The following STPG2 variants were observed in gnomAD, a reference collection of about 807,000 sequenced individuals.
The protein encoded by STPG2 is sperm tail PG-rich repeat containing 2.
STPG2 carries 56 observed loss-of-function variants against 54.2 expected under a neutral mutation model. The observed-to-expected ratio is 1.03, with a 90% CI of 0.83 to 1.29. The LOEUF (loss-of-function observed/expected upper bound fraction) is 1.29, where lower values mean the gene tolerates loss of function less well. Ranked by LOEUF, STPG2 falls within the 50% of genes most tolerant of loss-of-function variation. The pLI, the probability that STPG2 is intolerant of heterozygous loss-of-function variation, is 0.00. For missense variants in STPG2, 596 were observed against 544.9 expected, an observed-to-expected ratio of 1.09 and a Z score of -0.93; for synonymous variants, 200 against 181.8, an observed-to-expected ratio of 1.10 and a Z score of -0.81.
intron 5 of STPG2, among the ~76,000 whole-genome samples, chr4:97,992,718 C>T (rs1735060050): frequency 6.6e-6 from 1 of 152,130 alleles, no homozygotes; most frequent in Non-Finnish European, 1.5e-5. Flanking sequence ...ATTGATTCTA[C>T]CCATCCAAGA....
rs115406874 is a variant in STPG2 at position 97,730,395 on chromosome 4, A to G, written c.1205-17581T>C. Among the ~76,000 whole-genome samples, 562 of 152,314 alleles carry G rather than the reference A, an allele frequency of 3.7e-3. 4 individuals are homozygous for G. The highest frequency in any genetic ancestry group is 0.013 in the African/African-American group (536 of 41,576). ...ATATGTACGACATTTTCTTTATCCA[A>G]TACACCACTGATGGATGCCTAGATT... is the stretch of plus-strand genomic sequence containing the variant. On this transcript the variant is annotated intron_variant, in intron 9 of 10. Transcript: ENST00000295268.
intron 5 of STPG2, among the ~76,000 whole-genome samples, chr4:98,052,161 G>C (rs1195332301): frequency 6.6e-6 from 1 of 151,788 alleles, no homozygotes; most frequent in Non-Finnish European, 1.5e-5. Context: ...TTCTCAAGTG[G>C]GGAAAAAGGA....
At chr4:97,789,109 T>C (rs750150988) in intron 9 of STPG2, among the ~76,000 whole-genome samples, 7 of 152,142 alleles carry the variant, frequency 4.6e-5, no homozygotes, top group Non-Finnish European at 1.0e-4. Context: ...GTTCCAAGCT[T>C]GATATTACTA....
At chr4:97,926,624 T>C (rs1383523592) in intron 8 of STPG2, among the ~76,000 whole-genome samples, 1 of 152,172 alleles carries the variant, frequency 6.6e-6, no homozygotes, top group Non-Finnish European at 1.5e-5. Context: ...CCTTTGCATT[T>C]CTGACATAGA....
intron 5 of STPG2, among the ~76,000 whole-genome samples, chr4:98,052,095 A>G (rs1317432698): frequency 6.6e-6 from 1 of 152,014 alleles, no homozygotes; most frequent in Non-Finnish European, 1.5e-5. Flanking sequence ...CTCAAAAAAA[A>G]AAAAAAAAAG....
chr4:97,633,150 TATA>T (rs1560694287), intron 10 of STPG2, among the ~76,000 whole-genome samples: 1 of 152,182 alleles, frequency 6.6e-6, no homozygotes, highest in East Asian at 1.9e-4. Flanking sequence ...TTTACATTCT[TATA>T]ATAATATAAT....
intron 8 of STPG2, among the ~76,000 whole-genome samples, chr4:97,869,992 T>C (rs1181094259): frequency 1.3e-5 from 2 of 151,592 alleles, no homozygotes; most frequent in African/African-American, 2.4e-5. Flanking sequence ...TTTAAAATTC[T>C]GCTCAGGTAT....
chr4:97,680,653 C>T (rs564705331), intron 10 of STPG2, among the ~76,000 whole-genome samples: 3 of 152,180 alleles, frequency 2.0e-5, no homozygotes, highest in African/African-American at 7.2e-5. Flanking sequence ...CTGGCCAGAA[C>T]TTCCAACACT....
intron 10 of STPG2, among the ~76,000 whole-genome samples, chr4:97,671,134 C>A (rs1229197687): frequency 6.6e-6 from 1 of 152,122 alleles, no homozygotes; most frequent in African/African-American, 2.4e-5. Context: ...ATACAATACC[C>A]CAACCTCTTA....
intron 5 of STPG2, among the ~76,000 whole-genome samples, chr4:98,031,180 C>T (rs1014255918): frequency 7.9e-5 from 12 of 152,100 alleles, no homozygotes; most frequent in African/African-American, 2.9e-4. Flanking sequence ...ACAAATGATG[C>T]TAGGATAATT....
At chr4:97,785,558 A>T (rs1229296954) in intron 9 of STPG2, among the ~76,000 whole-genome samples, 1 of 152,116 alleles carries the variant, frequency 6.6e-6, no homozygotes, top group South Asian at 2.1e-4. Flanking sequence ...AGGAGATTGG[A>T]TCTCTTTAAA....
intron 7 of STPG2, among the ~76,000 whole-genome samples, chr4:97,965,844 C>T (rs1221376101): frequency 6.6e-6 from 1 of 152,098 alleles, no homozygotes; most frequent in Non-Finnish European, 1.5e-5. Flanking sequence ...GACATCTATG[C>T]CAAAACCCTA....
chr4:98,006,380 T>C (rs1232644821), intron 5 of STPG2, among the ~76,000 whole-genome samples: 3 of 152,116 alleles, frequency 2.0e-5, no homozygotes, highest in African/African-American at 7.2e-5. Context: ...GAGGAGAGGC[T>C]GTGAGAAGTA....
intron 10 of STPG2, among the ~76,000 whole-genome samples, chr4:97,599,823 C>CAAAA (rs34252589): frequency 2.7e-5 from 3 of 112,800 alleles, no homozygotes; most frequent in African/African-American, 3.9e-5. Context: ...GATTCTGTCT[C>CAAAA]AAAAAAAAAA....
intron 8 of STPG2, among the ~76,000 whole-genome samples, chr4:97,942,124 A>AATAT (rs967531489): frequency 1.3e-5 from 2 of 148,194 alleles, no homozygotes; most frequent in Admixed American, 6.8e-5. Context: ...ATACGTTTTA[A>AATAT]ATATATATAT....
intron 4 of STPG2, among the ~76,000 whole-genome samples, chr4:97,524,688 AG>A (rs1343462468): frequency 6.6e-6 from 1 of 151,882 alleles, no homozygotes; most frequent in Non-Finnish European, 1.5e-5. Flanking sequence ...TCTTTTTTGG[AG>A]AATAATTTTT....
At chr4:97,584,886 A>C (rs1347665647) in intron 10 of STPG2, among the ~76,000 whole-genome samples, 1 of 151,816 alleles carries the variant, frequency 6.6e-6, no homozygotes, top group East Asian at 1.9e-4. Flanking sequence ...ATTGCCAACA[A>C]AAAAAGTCCA....
intron 10 of STPG2, among the ~76,000 whole-genome samples, chr4:97,586,061 C>G (rs72889102): frequency 0.13 from 20,196 of 151,770 alleles, 4,137 homozygotes; most frequent in African/African-American, 0.44. Flanking sequence ...AGAGACCCAT[C>G]ATAAAATGAT....
At chr4:97,940,995 G>A (rs1732958114) in intron 8 of STPG2, among the ~76,000 whole-genome samples, 1 of 151,972 alleles carries the variant, frequency 6.6e-6, no homozygotes, top group Non-Finnish European at 1.5e-5. Flanking sequence ...AAGACATAGA[G>A]TTACTAAACT....
Sources: gnomAD v4.1 joint callset for allele counts (sites outside exome capture counted in the v4.1 genomes callset) on GRCh38, gnomAD v4.1.1 for gene constraint, MANE v1.5 for transcripts, NCBI Gene and HGNC (gene_info 2026-07-23, HGNC 2026-07-21) for gene names.